The following ARHGEF7 variants were observed in gnomAD, a reference collection of about 807,000 sequenced individuals.
ARHGEF7 encodes PAK-interacting exchange factor beta.
Under a neutral mutation model 109.8 loss-of-function variants are expected in ARHGEF7, and 33 were observed. The ratio of observed to expected loss-of-function variants is 0.30; its 90% CI spans 0.23 to 0.40. The LOEUF is 0.40. ARHGEF7 is among the 10% of genes least tolerant of loss of function. The pLI, the probability that ARHGEF7 is intolerant of heterozygous loss-of-function variation, is 1.00. For synonymous variants in ARHGEF7, 458 were observed against 424.6 expected, an observed-to-expected ratio of 1.08 and a Z score of -0.97; for missense variants, 938 against 1,098.5, an observed-to-expected ratio of 0.85 and a Z score of 2.07.
chr13:111,301,573 A>G lies in ARHGEF7; in HGVS notation c.2466+41A>G, dbSNP rs377467455. ...TCTTTAAATCTTTTTTTTCTTTTCAAATGGGAGAAAAGAAGAAAATTACAT... is the reference window on the plus strand; with the variant it reads ...TCTTTAAATCTTTTTTTTCTTTTCAGATGGGAGAAAAGAAGAAAATTACAT... On this transcript the variant is annotated intron_variant, in intron 21 of 21. Coordinates refer to ENST00000646102, the MANE Select transcript of ARHGEF7 (RefSeq NM_001354046.2). 3.2e-5 allele frequency: 48 copies of G among 1,507,870 alleles called. No individual in the cohort carries two copies. In the African/African-American group the frequency reaches 5.5e-4, roughly 17 times the overall value. 93.4% of individuals were successfully genotyped at this position (1,507,870 alleles called of 1,614,324 possible). A position where few individuals can be genotyped will look rare whatever the true frequency, so the allele number is the denominator to read the frequency against.
intron 18 of ARHGEF7, among the ~76,000 whole-genome samples, chr13:111,290,681 T>G (rs185141608): frequency 1.9e-3 from 287 of 152,378 alleles, no homozygotes; most frequent in African/African-American, 6.4e-3. Flanking sequence ...TCACATTGCC[T>G]GTATTCTGTA....
intron 12 of ARHGEF7, among the ~76,000 whole-genome samples, chr13:111,276,435 C>T (rs1399970702): frequency 1.3e-5 from 2 of 152,168 alleles, no homozygotes; most frequent in African/African-American, 4.8e-5. Context: ...GTTTGGGTAC[C>T]ATAAGAAACC....
At chr13:111,253,520 A>G (rs1472425525) in intron 8 of ARHGEF7, among the ~76,000 whole-genome samples, 2 of 152,184 alleles carry the variant, frequency 1.3e-5, no homozygotes, top group African/African-American at 4.8e-5. Context: ...AAGAAATACT[A>G]AAATACCCAG....
rs777296458 is a variant in ARHGEF7 at position 111,217,640 on chromosome 13, C to T, written c.469-39C>T. ...CCATTTTATAATGAAGTAGACTGTTCTTGGTATAATTTTTCTCCCACTCTT... is the reference window on the plus strand; with the variant it reads ...CCATTTTATAATGAAGTAGACTGTTTTTGGTATAATTTTTCTCCCACTCTT... On this transcript the variant is annotated intron_variant, in intron 4 of 21. Transcript: ENST00000646102. The T allele has an allele frequency of 6.5e-6, 10 of 1,544,626 alleles. No homozygotes were observed. The East Asian group carries it at 1.6e-4, about 24-fold the overall frequency.
chr13:111,160,973 A>G (rs1002511727), intron 2 of ARHGEF7, among the ~76,000 whole-genome samples: 1 of 152,234 alleles, frequency 6.6e-6, no homozygotes, highest in Non-Finnish European at 1.5e-5. Context: ...ACTAATGTAC[A>G]TGCCAAACCT....
Position 111,283,162 on chromosome 13 carries a change from GTCCAGCAAGCACGCA to G in ARHGEF7, c.1750_1764del (p.Ser584_Ala588del), listed in dbSNP as rs2092861610. On this transcript the variant is annotated inframe_deletion, in exon 16 of 22. Transcript: ENST00000646102. ...AGCTCCCCTCCCACCCGGTCACTCC[GTCCAGCAAGCACGCA>G]GACAGCAAGCCCGCGCCGCTGACGC... 6.3e-7 allele frequency: 1 copy of G among 1,592,984 alleles called. No homozygotes were observed. Among genetic ancestry groups the G allele is most frequent in the African/African-American group, 1.3e-5 (1 of 74,674 alleles).
At chr13:111,133,763 TTATA>T (rs763290549) in intron 1 of ARHGEF7, among the ~76,000 whole-genome samples, 40 of 7,356 alleles carry the variant, frequency 5.4e-3, no homozygotes, top group African/African-American at 0.017. Flanking sequence ...CTGCTTTTCT[TTATA>T]TATATATATA....
chr13:111,290,156 A>G (rs1486797850), intron 18 of ARHGEF7, among the ~76,000 whole-genome samples: 1 of 152,146 alleles, frequency 6.6e-6, no homozygotes, highest in Non-Finnish European at 1.5e-5. Context: ...TGTCATCTCA[A>G]TTTCAGTTAC....
intron 9 of ARHGEF7, among the ~76,000 whole-genome samples, chr13:111,268,861 AT>A (rs559827388): frequency 1.5e-3 from 232 of 152,250 alleles, no homozygotes; most frequent in African/African-American, 5.2e-3. Context: ...TCATTTTTTA[AT>A]TTTTTTATTT....
At chr13:111,135,081 G>A (rs2075018607) in intron 1 of ARHGEF7, among the ~76,000 whole-genome samples, 1 of 152,058 alleles carries the variant, frequency 6.6e-6, no homozygotes, top group African/African-American at 2.4e-5. Context: ...TCTTGTTTTT[G>A]TCAGGTTTGT....
At chr13:111,204,753 C>T (rs2081580366) in intron 2 of ARHGEF7, among the ~76,000 whole-genome samples, 1 of 152,136 alleles carries the variant, frequency 6.6e-6, no homozygotes, top group Admixed American at 6.5e-5. Flanking sequence ...TTGTCCCTGC[C>T]CCTTTCCTAT....
intron 21 of ARHGEF7, among the ~76,000 whole-genome samples, chr13:111,302,549 A>G (rs2093593215): frequency 6.6e-6 from 1 of 152,114 alleles, no homozygotes; most frequent in African/African-American, 2.4e-5. Context: ...CATGCCTCCT[A>G]CGTCCGAGAC....
intron 2 of ARHGEF7, among the ~76,000 whole-genome samples, chr13:111,168,556 T>C (rs2077317867): frequency 6.6e-6 from 1 of 152,166 alleles, no homozygotes; most frequent in Non-Finnish European, 1.5e-5. Context: ...TAGGCAAGAA[T>C]TGTTCAGGTT....
At chr13:111,121,912 G>T (rs956028680) in intron 1 of ARHGEF7, among the ~76,000 whole-genome samples, 1 of 152,224 alleles carries the variant, frequency 6.6e-6, no homozygotes, top group Non-Finnish European at 1.5e-5. Context: ...ATGAGTAGAT[G>T]TGCTGGGCAC....
chr13:111,266,421 TG>T lies in ARHGEF7; in HGVS notation c.951-1126del, dbSNP rs1322146579. ...TCGCTCTTGTGCCTTGCACTCTTTC[TG>T]TTTAGTCGTGTGATGATTTCTTTGA... On this transcript the variant is annotated intron_variant, in intron 8 of 21. Transcript: ENST00000646102. The surrounding 1 kb of genome is among the most constrained non-coding windows in gnomAD (Gnocchi z 4.8). Among the ~76,000 whole-genome samples the T allele has an allele frequency of 6.6e-6, 1 of 152,256 alleles. No individual in the cohort carries two copies. The highest frequency in any genetic ancestry group is 1.5e-5 in the Non-Finnish European group (1 of 68,044).
At position 111,288,788 on chromosome 13, in the gene ARHGEF7, A is replaced by G. The variant is rs145000503; in HGVS notation, c.2134+345A>G. Among the ~76,000 whole-genome samples the G allele has an allele frequency of 2.2e-4, 33 of 152,352 alleles. No homozygotes were observed. In the East Asian group the frequency reaches 6.0e-3, roughly 28 times the overall value. ...GAAGATTAGTTCAGTTATTTCAGCT[A>G]TTTAAACTGTTGGTGTAGTACTGGA... On this transcript the variant is annotated intron_variant, in intron 18 of 21. Transcript: ENST00000646102.
chr13:111,174,524 A>G (rs1172963733), intron 2 of ARHGEF7, among the ~76,000 whole-genome samples: 2 of 152,074 alleles, frequency 1.3e-5, no homozygotes, highest in South Asian at 4.1e-4. Flanking sequence ...TTGCTCTTGC[A>G]TTTTATGACT....
In ARHGEF7 at chr13:111,131,824, A is replaced by G. The variant is rs1180418372; in HGVS notation, c.165+16133A>G. Among the ~76,000 whole-genome samples the G allele has an allele frequency of 1.3e-5, 2 of 152,182 alleles. No homozygotes were observed. Among genetic ancestry groups the G allele is most frequent in the Non-Finnish European group, 2.9e-5 (2 of 68,036 alleles). ...GTTCTAGGACAACTGGCCAGCACAC[A>G]CCCAGAGCCCACATACTGGAGCAAT... On this transcript the variant is annotated intron_variant, in intron 1 of 21. Transcript: ENST00000646102. This position sits in a 1 kb window ranked among gnomAD's most constrained non-coding sequence, Gnocchi z 4.4.
At chr13:111,256,338 GT>G (rs1478727359) in intron 8 of ARHGEF7, among the ~76,000 whole-genome samples, 1 of 152,186 alleles carries the variant, frequency 6.6e-6, no homozygotes, top group Admixed American at 6.5e-5. Context: ...GCGCTTTGAT[GT>G]TTTTAGCCAC....
Sources: gnomAD v4.1 joint callset for allele counts (sites outside exome capture counted in the v4.1 genomes callset) on GRCh38, gnomAD v4.1.1 for gene constraint, Gnocchi (gnomAD v3.1) non-coding constraint, MANE v1.5 for transcripts, NCBI Gene and HGNC (gene_info 2026-07-23, HGNC 2026-07-21) for gene names.